PDE8A: variants seen among roughly 807,000 people sequenced by gnomAD.
PDE8A encodes high affinity cAMP-specific and IBMX-insensitive 3',5'-cyclic phosphodiesterase 8A.
A neutral mutation model predicts 105.0 loss-of-function variants in PDE8A; 59 were observed. That is an observed-to-expected ratio of 0.56 (90% confidence interval 0.46 to 0.70). The LOEUF (loss-of-function observed/expected upper bound fraction) is 0.70, where lower values mean the gene tolerates loss of function less well. Ranked by LOEUF, PDE8A falls within the 30% of genes least tolerant of loss-of-function variation. The pLI is 0.00. For synonymous variants in PDE8A, 355 were observed against 371.9 expected, an observed-to-expected ratio of 0.95 and a Z score of 0.52; for missense variants, 1,014 against 1,045.9, an observed-to-expected ratio of 0.97 and a Z score of 0.42.
intron 1 of PDE8A, among the ~76,000 whole-genome samples, chr15:84,988,908 C>T (rs2079844416): frequency 1.3e-5 from 2 of 152,222 alleles, no homozygotes; most frequent in South Asian, 4.1e-4. Context: ...ACACCAGTCT[C>T]TAAGGCTGAA....
chr15:85,128,939 A>G (rs2082294681), intron 20 of PDE8A, among the ~76,000 whole-genome samples: 2 of 152,212 alleles, frequency 1.3e-5, no homozygotes, highest in Admixed American at 6.5e-5. Flanking sequence ...AGATGTGTAG[A>G]ATGCTACAGT....
chr15:85,076,808 T>TA, intron 5 of PDE8A, 21 bp downstream of exon 5: 1 of 1,359,984 alleles, frequency 7.4e-7, no homozygotes, highest in Non-Finnish European at 1.1e-6. Context: ...ACTTATTTGT[T>TA]ATACAAGTAT....
At chr15:84,987,089 TAGTA>T (rs1436072478) in intron 1 of PDE8A, among the ~76,000 whole-genome samples, 2 of 152,232 alleles carry the variant, frequency 1.3e-5, no homozygotes, top group Non-Finnish European at 2.9e-5. Context: ...TCTGCTGCCA[TAGTA>T]AGTGACTACA....
intron 11 of PDE8A, among the ~76,000 whole-genome samples, chr15:85,100,846 C>G (rs1359999834): frequency 1.3e-5 from 2 of 152,200 alleles, no homozygotes; most frequent in Non-Finnish European, 2.9e-5. Flanking sequence ...TGGCGTGCCA[C>G]CCTGCCTTGC....
At chr15:85,117,005 C>T (rs2082106886) in intron 16 of PDE8A, among the ~76,000 whole-genome samples, 1 of 152,232 alleles carries the variant, frequency 6.6e-6, no homozygotes, top group Non-Finnish European at 1.5e-5. Context: ...GATACTGCCT[C>T]AACACAGCCA....
rs1184718158 is a variant in PDE8A at position 85,014,099 on chromosome 15, A to G, written c.186+31751A>G. ...GGTGGAGATGATACACGATCTTGTGATGATAATCACATCTTTCTTTCTTCC... is the reference window on the plus strand; with the variant it reads ...GGTGGAGATGATACACGATCTTGTGGTGATAATCACATCTTTCTTTCTTCC... On this transcript the variant is annotated intron_variant, in intron 1 of 21. Transcript: ENST00000394553. Among the ~76,000 whole-genome samples, 5 of 152,184 alleles carry G rather than the reference A, an allele frequency of 3.3e-5. No homozygotes were observed. The South Asian group carries it at 6.2e-4, about 19-fold the overall frequency.
chr15:85,076,605 G>T (rs1441192775), intron 4 of PDE8A, 128 bp from the exon 5 acceptor site: 1 of 645,420 alleles, frequency 1.5e-6, no homozygotes, highest in Non-Finnish European at 2.8e-6. Context: ...CTTTAAATTT[G>T]TATATTAATC....
intron 9 of PDE8A, among the ~76,000 whole-genome samples, chr15:85,099,041 T>G (rs1429766785): frequency 6.6e-6 from 1 of 152,074 alleles, no homozygotes; most frequent in Admixed American, 6.5e-5. Flanking sequence ...ATAGCTAGTG[T>G]TTAATCTCAA....
chr15:85,065,500 AAAC>A (rs2081210110), intron 2 of PDE8A, among the ~76,000 whole-genome samples: 1 of 149,474 alleles, frequency 6.7e-6, no homozygotes, highest in Non-Finnish European at 1.5e-5. Flanking sequence ...AAAAAAAAGA[AAAC>A]AACCAATTGA....
chr15:84,991,301 A>G (rs2079882243), intron 1 of PDE8A, among the ~76,000 whole-genome samples: 1 of 152,240 alleles, frequency 6.6e-6, no homozygotes, highest in East Asian at 1.9e-4. Flanking sequence ...TAAGAAAACA[A>G]CCGCCCAGTT....
At chr15:85,085,886 C>T (rs573275672) in intron 6 of PDE8A, among the ~76,000 whole-genome samples, 1 of 151,564 alleles carries the variant, frequency 6.6e-6, no homozygotes, top group East Asian at 2.0e-4. Context: ...GTGGCGCATG[C>T]CTGTCATCCC....
chr15:85,120,784 C>T lies in PDE8A; in HGVS notation c.1735-13C>T. On this transcript the variant is annotated splice_polypyrimidine_tract_variant and intron_variant, in intron 17 of 21. Coordinates refer to ENST00000394553, the MANE Select transcript of PDE8A (RefSeq NM_002605.3). ...TGTCATACCCCAGTTTTTAAAAGCT[C>T]TCTTGTTTTCAGGAAACTTTAGATC... 6.4e-7 allele frequency: 1 copy of T among 1,573,552 alleles called. No homozygotes were observed. The highest frequency in any genetic ancestry group is 8.7e-7 in the Non-Finnish European group (1 of 1,155,456).
intron 1 of PDE8A, among the ~76,000 whole-genome samples, chr15:85,001,827 A>G (rs1451749779): frequency 6.6e-6 from 1 of 152,198 alleles, no homozygotes; most frequent in Non-Finnish European, 1.5e-5. Context: ...GAAATAACTA[A>G]GACTGGTATA....
intron 9 of PDE8A, 61 bp downstream of exon 9, chr15:85,098,097 G>C (rs900551978): frequency 7.0e-6 from 7 of 998,556 alleles, no homozygotes; most frequent in Non-Finnish European, 1.1e-5. Flanking sequence ...TGCAGAATTT[G>C]CTTTGAATAT....
At position 85,078,075 on chromosome 15, in the gene PDE8A, A is replaced by C. The variant is rs115068727; in HGVS notation, c.546+1288A>C. On this transcript the variant is annotated intron_variant, in intron 5 of 21. Transcript: ENST00000394553. ...TCCAGAACTGATGAAAAACTAATTCATAGATTCATGAATTCTGACATATCC... is the reference window on the plus strand; with the variant it reads ...TCCAGAACTGATGAAAAACTAATTCCTAGATTCATGAATTCTGACATATCC... Among the ~76,000 whole-genome samples, 934 of 151,740 alleles carry C rather than the reference A, an allele frequency of 6.2e-3. 10 individuals are homozygous for C. Among genetic ancestry groups the C allele is most frequent in the African/African-American group, 0.022 (893 of 41,264 alleles).
intron 1 of PDE8A, among the ~76,000 whole-genome samples, chr15:85,042,643 C>T (rs1402433403): frequency 6.6e-6 from 1 of 152,144 alleles, no homozygotes; most frequent in East Asian, 1.9e-4. Context: ...TTTAGCTTCC[C>T]TACCTGGTCA....
At chr15:85,107,875 G>T (rs930180827) in intron 11 of PDE8A, among the ~76,000 whole-genome samples, 3 of 152,120 alleles carry the variant, frequency 2.0e-5, no homozygotes, top group Non-Finnish European at 2.9e-5. Flanking sequence ...GACTGAGAAG[G>T]GCTAAGGATA....
intron 17 of PDE8A, among the ~76,000 whole-genome samples, chr15:85,119,690 A>G (rs1431940683): frequency 6.6e-6 from 1 of 152,052 alleles, no homozygotes; most frequent in Non-Finnish European, 1.5e-5. Context: ...TTTTCTAACC[A>G]CAACACAACA....
In PDE8A at chr15:84,982,814, G is replaced by A. The variant is rs143578266; in HGVS notation, c.186+466G>A. 1.4e-3 allele frequency among the ~76,000 whole-genome samples: 215 copies of A among 152,340 alleles called. 1 individual carries two copies. The highest frequency in any genetic ancestry group is 4.8e-3 in the African/African-American group (200 of 41,574). On this transcript the variant is annotated intron_variant, in intron 1 of 21. Coordinates refer to ENST00000394553, the MANE Select transcript of PDE8A (RefSeq NM_002605.3). ...CCACTCTTTTCCCTCTGTCAGCTTT[G>A]CACATGCAGTTGCAGGTTACCATTT...
Sources: allele counts gnomAD v4.1 joint callset (sites outside exome capture counted in the v4.1 genomes callset), GRCh38; gene constraint gnomAD v4.1.1; transcripts MANE v1.5; gene names NCBI Gene and HGNC (gene_info 2026-07-23, HGNC 2026-07-21).